MMP11: variants seen among roughly 807,000 people sequenced by gnomAD.
MMP11 encodes the protein matrix metallopeptidase 11.
In MMP11, 26 loss-of-function variants were observed where a neutral mutation model predicts 49.5. The observed-to-expected ratio is 0.52, with a 90% CI of 0.38 to 0.73. The LOEUF (loss-of-function observed/expected upper bound fraction) is 0.73. Ranked by LOEUF, MMP11 falls within the 30% of genes least tolerant of loss-of-function variation. The pLI, the probability that MMP11 is intolerant of heterozygous loss-of-function variation, is 0.00. For missense variants in MMP11, 624 were observed against 671.2 expected (o/e 0.93, Z 0.78); for synonymous variants, 265 against 282.3 (o/e 0.94, Z 0.62).
At position 23,781,039 on chromosome 22, in the gene MMP11, C is replaced by T; in HGVS notation, c.797C>T (p.Ser266Phe). Residue 266 changes from serine to phenylalanine, a missense_variant, in exon 5 of 8, where the codon TCC (serine) becomes TTC (phenylalanine). Ser to Phe is a radical substitution (Grantham distance 155, BLOSUM62 -2). Coordinates refer to ENST00000215743, the MANE Select transcript of MMP11 (RefSeq NM_005940.5). ...LYGQPWPTVT[S>F]RTPALGPQAG... is the part of the protein sequence containing the mutation. ...GGCCAGCCCTGGCCCACTGTCACCT[C>T]CAGGACCCCAGCCCTGGGCCCCCAG... 1.2e-6 allele frequency: 2 copies of T among 1,611,890 alleles called. No homozygotes were observed. Among genetic ancestry groups the T allele is most frequent in the Non-Finnish European group, 1.7e-6 (2 of 1,179,996 alleles).
At chr22:23,773,327 G>A (rs533036270) in intron 1 of MMP11, among the ~76,000 whole-genome samples, 54 of 152,290 alleles carry the variant, frequency 3.5e-4, no homozygotes, top group African/African-American at 1.2e-3. Flanking sequence ...CCTATTCATC[G>A]CAGGGACAAA....
chr22:23,776,366 G>C (rs1185189157), intron 1 of MMP11, among the ~76,000 whole-genome samples: 1 of 152,216 alleles, frequency 6.6e-6, no homozygotes, highest in African/African-American at 2.4e-5. Flanking sequence ...AAGTCAAGGG[G>C]GCAGTGTGGC....
At position 23,780,714 on chromosome 22, in the gene MMP11, G is replaced by A. The variant is rs1276541227; in HGVS notation, c.615G>A (p.Gln205=). Residue 205 remains glutamine (Q), a splice_region_variant and synonymous_variant, in exon 4 of 8, where the codon CAG becomes CAA. Coordinates refer to ENST00000215743, the MANE Select transcript of MMP11 (RefSeq NM_005940.5). The surrounding 1 kb of genome is among the most constrained non-coding windows in gnomAD (Gnocchi z 4.6). Reference sequence around the variant, plus strand: ...AGACCTGGACTATCGGGGATGACCAGGGTATGGGCTGGGGACCCATTTTCC... The same window carrying A: ...AGACCTGGACTATCGGGGATGACCAAGGTATGGGCTGGGGACCCATTTTCC... ...YDETWTIGDD[Q]GTDLLQVAAH... is the part of the protein sequence containing the mutation. 2 of 1,550,432 alleles carry A rather than the reference G, an allele frequency of 1.3e-6. No individual in the cohort carries two copies. The highest frequency in any genetic ancestry group is 1.9e-5 in the Admixed American group (1 of 51,478).
chr22:23,783,914 T>G lies in MMP11; in HGVS notation c.*370T>G. 4.1e-6 allele frequency: 1 copy of G among 241,632 alleles called. No homozygotes were observed. The highest frequency in any genetic ancestry group is 2.2e-5 in the African/African-American group (1 of 46,240). 15.0% of individuals were successfully genotyped at this position (241,632 alleles called of 1,614,324 possible). A position where few individuals can be genotyped will look rare whatever the true frequency, so the allele number is the denominator to read the frequency against. ...TCCTTGCTGTATCCCTGTTGTGAGG[T>G]TCCTTCCAGGGGCTGGCACTGAAGC... On this transcript the variant is annotated 3_prime_UTR_variant, in exon 8 of 8. Coordinates refer to ENST00000215743, the MANE Select transcript of MMP11 (RefSeq NM_005940.5).
intron 1 of MMP11, 35 bp downstream of exon 1, chr22:23,773,013 G>C: frequency 8.6e-7 from 1 of 1,162,712 alleles, no homozygotes; most frequent in African/African-American, 1.6e-5. Flanking sequence ...GCTCCTCGCT[G>C]AGGGGGCGCC....
chr22:23,783,913 G>A lies in MMP11; in HGVS notation c.*369G>A, dbSNP rs1346330445. On this transcript the variant is annotated 3_prime_UTR_variant, in exon 8 of 8. Transcript: ENST00000215743. ...GTCCTTGCTGTATCCCTGTTGTGAG[G>A]TTCCTTCCAGGGGCTGGCACTGAAG... 4.1e-6 allele frequency: 1 copy of A among 244,420 alleles called. No individual in the cohort carries two copies. The highest frequency in any genetic ancestry group is 8.0e-5 in the East Asian group (1 of 12,486). The allele number at this position is 244,420 out of a possible 1,614,324, so 15.1% of individuals were successfully genotyped here. A position where few individuals can be genotyped will look rare whatever the true frequency, so the allele number is the denominator to read the frequency against.
chr22:23,776,030 C>T (rs1927399434), intron 1 of MMP11, among the ~76,000 whole-genome samples: 1 of 152,206 alleles, frequency 6.6e-6, no homozygotes, highest in South Asian at 2.1e-4. Context: ...ACTAGGCCTT[C>T]TGAACCTCAG....
At position 23,781,062 on chromosome 22, in the gene MMP11, C is replaced by G; in HGVS notation, c.820C>G (p.Gln274Glu). The change falls in exon 5 of 8, where the codon CAG (glutamine) becomes GAG (glutamate). Residue 274 changes from glutamine (Q) to glutamate (E), a missense_variant. Physicochemically the swap from Gln to Glu is conservative, Grantham distance 29. Coordinates refer to ENST00000215743, the MANE Select transcript of MMP11 (RefSeq NM_005940.5). ...VTSRTPALGP[Q>E]AGIDTNEIAP... is the part of the protein sequence containing the mutation. Reference sequence around the variant, plus strand: ...CTCCAGGACCCCAGCCCTGGGCCCCCAGGCTGGGATAGACACCAATGAGAT... The same window carrying G: ...CTCCAGGACCCCAGCCCTGGGCCCCGAGGCTGGGATAGACACCAATGAGAT... 1 of 1,610,456 alleles carries G rather than the reference C, an allele frequency of 6.2e-7. No homozygotes were observed. The highest frequency in any genetic ancestry group is 8.5e-7 in the Non-Finnish European group (1 of 1,179,980).
chr22:23,780,893 T>C lies in MMP11; in HGVS notation c.651T>C (p.Phe217=). 1 of 1,613,984 alleles carries C rather than the reference T, an allele frequency of 6.2e-7. No homozygotes were observed. Residue 217 remains phenylalanine (F), a synonymous_variant, in exon 5 of 8, where the codon TTT becomes TTC. Coordinates refer to ENST00000215743, the MANE Select transcript of MMP11 (RefSeq NM_005940.5). This position sits in a 1 kb window ranked among gnomAD's most constrained non-coding sequence, Gnocchi z 4.6. ...TDLLQVAAHE[F]GHVLGLQHTT... ...TGCTGCAGGTGGCAGCCCATGAATT[T>C]GGCCACGTGCTGGGGCTGCAGCACA...
chr22:23,773,072 C>A, intron 1 of MMP11, 94 bp downstream of exon 1: 1 of 1,076,866 alleles, frequency 9.3e-7, no homozygotes, highest in Non-Finnish European at 1.1e-6. Context: ...AGGGGGCGCC[C>A]CGGGTGGCCT....
rs562768546 is a variant in MMP11 at position 23,783,644 on chromosome 22, G to A, written c.*100G>A. On this transcript the variant is annotated 3_prime_UTR_variant, in exon 8 of 8. Transcript: ENST00000215743. ...TTTGTGGCTGTGGGCACCAGGCATG[G>A]GACTGAGCCCATGTCTCCTCAGGGG... 528 of 1,514,724 alleles carry A rather than the reference G, an allele frequency of 3.5e-4. 1 individual carries two copies. The African/African-American group carries it at 6.6e-3, about 19-fold the overall frequency. 93.8% of individuals were successfully genotyped at this position (1,514,724 alleles called of 1,614,324 possible).
chr22:23,782,710 C>A, intron 7 of MMP11: 1 of 603,210 alleles, frequency 1.7e-6, no homozygotes, highest in Non-Finnish European at 2.9e-6. Context: ...CCTGGTTTTT[C>A]AGCCACAGCC....
chr22:23,781,955 C>T, intron 6 of MMP11: 1 of 677,864 alleles, frequency 1.5e-6, no homozygotes, highest in East Asian at 2.8e-5. Context: ...AGCCAAATGC[C>T]AGTGGAAGGA....
At position 23,780,475 on chromosome 22, in the gene MMP11, G is replaced by A. The variant is rs746247544; in HGVS notation, c.455G>A (p.Arg152His). Residue 152 changes from arginine to histidine, a missense_variant, in exon 3 of 8, where the codon CGT becomes CAT. Arg to His is a conservative substitution (Grantham distance 29). Transcript: ENST00000215743. This position sits in a 1 kb window ranked among gnomAD's most constrained non-coding sequence, Gnocchi z 4.6. ...PLTFTEVHEG[R>H]ADIMIDFARY... Reference sequence around the variant, plus strand: ...ACCTTTACTGAGGTGCACGAGGGCCGTGCTGACATCATGATCGACTTCGCC... The same window carrying A: ...ACCTTTACTGAGGTGCACGAGGGCCATGCTGACATCATGATCGACTTCGCC... 13 of 1,613,902 alleles carry A rather than the reference G, an allele frequency of 8.1e-6. No homozygotes were observed. The highest frequency in any genetic ancestry group is 1.6e-4 in the Middle Eastern group (1 of 6,084).
Position 23,780,909 on chromosome 22 carries a change from C to T in MMP11, c.667C>T (p.Leu223=). 1.2e-6 allele frequency: 2 copies of T among 1,613,956 alleles called. No homozygotes were observed. The highest frequency in any genetic ancestry group is 1.1e-5 in the South Asian group (1 of 91,078). The stretch of plus-strand genomic sequence containing the variant: ...CCATGAATTTGGCCACGTGCTGGGG[C>T]TGCAGCACACAACAGCAGCCAAGGC... The part of the protein sequence containing the change: ...AAHEFGHVLG[L]QHTTAAKALM... Residue 223 remains leucine (L), a synonymous_variant, in exon 5 of 8, where the codon CTG becomes TTG. Coordinates refer to ENST00000215743, the MANE Select transcript of MMP11 (RefSeq NM_005940.5). The surrounding 1 kb of genome is among the most constrained non-coding windows in gnomAD (Gnocchi z 4.6).
rs751815889 is a variant in MMP11 at position 23,779,189 on chromosome 22, C to T, written c.111C>T (p.Asp37=). The change falls in exon 2 of 8, where the codon GAC becomes GAT. Residue 37 remains aspartate (D), a splice_region_variant and synonymous_variant. Coordinates refer to ENST00000215743, the MANE Select transcript of MMP11 (RefSeq NM_005940.5). ...CCTCATGTCATCCTCCTGCCTAGGA[C>T]GCCCACCACCTCCATGCCGAGAGGA... is the stretch of plus-strand genomic sequence containing the variant. ...PPLLARALPP[D]AHHLHAERRG... 3.1e-5 allele frequency: 49 copies of T among 1,588,746 alleles called. No homozygotes were observed. The highest frequency in any genetic ancestry group is 1.7e-4 in the Middle Eastern group (1 of 6,056).
At chr22:23,773,261 C>G (rs1927299197) in intron 1 of MMP11, among the ~76,000 whole-genome samples, 1 of 152,144 alleles carries the variant, frequency 6.6e-6, no homozygotes, top group African/African-American at 2.4e-5. Context: ...GCGCTCCAGC[C>G]GCGGGTGCTG....
intron 7 of MMP11, 129 bp downstream of exon 7, chr22:23,782,612 C>A (rs1927679932): frequency 2.6e-6 from 3 of 1,171,412 alleles, no homozygotes; most frequent in Admixed American, 5.5e-5. Context: ...TTGTCCAGAG[C>A]CATCTGCCCT....
In MMP11 at chr22:23,780,922, C is replaced by T. The variant is rs1927597808; in HGVS notation, c.680C>T (p.Thr227Ile). 1 of 1,613,976 alleles carries T rather than the reference C, an allele frequency of 6.2e-7. No individual in the cohort carries two copies. Among genetic ancestry groups the T allele is most frequent in the East Asian group, 2.2e-5 (1 of 44,884 alleles). ...FGHVLGLQHTTAAKALMSAFY... is the reference protein window; with the variant it reads ...FGHVLGLQHTIAAKALMSAFY... ...CACGTGCTGGGGCTGCAGCACACAA[C>T]AGCAGCCAAGGCCCTGATGTCCGCC... Residue 227 changes from threonine to isoleucine, a missense_variant, in exon 5 of 8, where the codon ACA (threonine) becomes ATA (isoleucine). Thr to Ile is a moderately conservative substitution (Grantham distance 89, BLOSUM62 -1). Transcript: ENST00000215743. This position sits in a 1 kb window ranked among gnomAD's most constrained non-coding sequence, Gnocchi z 4.6.
Sources: gnomAD v4.1 joint callset for allele counts (sites outside exome capture counted in the v4.1 genomes callset) on GRCh38, gnomAD v4.1.1 for gene constraint, Gnocchi (gnomAD v3.1) non-coding constraint, MANE v1.5 for transcripts, NCBI Gene and HGNC (gene_info 2026-07-23, HGNC 2026-07-21) for gene names.